CELF4: variants seen among roughly 807,000 people sequenced by gnomAD.
CELF4 encodes the protein CUG-BP- and ETR-3-like factor 4.
CELF4 carries 18 observed loss-of-function variants against 59.9 expected under a neutral mutation model. The ratio of observed to expected loss-of-function variants is 0.30; its 90% CI spans 0.21 to 0.45. CELF4 has a LOEUF of 0.45. Ranked by LOEUF, CELF4 falls within the 20% of genes least tolerant of loss-of-function variation. CELF4 has a pLI of 1.00. For synonymous variants in CELF4, 261 were observed against 267.1 expected (o/e 0.98, Z 0.22); for missense variants, 456 against 689.0 (o/e 0.66, Z 3.79).
At chr18:37,464,363 G>A (rs1423360786) in intron 2 of CELF4, among the ~76,000 whole-genome samples, 1 of 152,130 alleles carries the variant, frequency 6.6e-6, no homozygotes, top group African/African-American at 2.4e-5. Context: ...CCTTTCTGAT[G>A]CCTCCAGCTC....
chr18:37,348,388 C>T (rs966043353), intron 2 of CELF4, among the ~76,000 whole-genome samples: 3 of 152,102 alleles, frequency 2.0e-5, no homozygotes, highest in Non-Finnish European at 4.4e-5. Flanking sequence ...CCACTGAAGC[C>T]TTCCTCCCTC....
chr18:37,558,266 G>C (rs1205126621), intron 1 of CELF4, among the ~76,000 whole-genome samples: 1 of 151,926 alleles, frequency 6.6e-6, no homozygotes, highest in Non-Finnish European at 1.5e-5. Flanking sequence ...CTGTGGCTTG[G>C]GCTTTATACC....
chr18:37,289,043 A>G (rs1019271172), intron 3 of CELF4, among the ~76,000 whole-genome samples: 1 of 152,200 alleles, frequency 6.6e-6, no homozygotes, highest in Non-Finnish European at 1.5e-5. Flanking sequence ...AGTATTCAAC[A>G]AACTATGCAC....
At chr18:37,535,817 G>A (rs1414325969) in intron 1 of CELF4, among the ~76,000 whole-genome samples, 7 of 152,102 alleles carry the variant, frequency 4.6e-5, no homozygotes, top group African/African-American at 1.7e-4. Flanking sequence ...CACTGGCCAC[G>A]CAGCGAGAGA....
rs1601660489 is a variant in CELF4, at chr18:37,272,937, G to A, written c.949+79C>T. 2.1e-6 allele frequency: 3 copies of A among 1,402,758 alleles called. No individual in the cohort carries two copies. In the East Asian group the frequency reaches 6.9e-5, roughly 32 times the overall value. 86.9% of individuals were successfully genotyped at this position (1,402,758 alleles called of 1,614,324 possible). On this transcript the variant is annotated intron_variant, in intron 7 of 12. Coordinates refer to ENST00000420428, the MANE Select transcript of CELF4 (RefSeq NM_020180.4). Reference sequence around the variant, plus strand: ...GCTTTTGCCACAGAATGGTCCGCTGGTAGCTGAAATTAGGTCCCAGCCTGG... The same window carrying A: ...GCTTTTGCCACAGAATGGTCCGCTGATAGCTGAAATTAGGTCCCAGCCTGG...
intron 2 of CELF4, among the ~76,000 whole-genome samples, chr18:37,432,261 G>A (rs780076079): frequency 2.0e-5 from 3 of 152,208 alleles, no homozygotes; most frequent in South Asian, 2.1e-4. Context: ...AGGGCCACCC[G>A]CCAATGTGGG....
intron 2 of CELF4, among the ~76,000 whole-genome samples, chr18:37,389,885 C>G (rs2099139619): frequency 6.6e-6 from 1 of 152,246 alleles, no homozygotes; most frequent in African/African-American, 2.4e-5. Flanking sequence ...TCATGCACGA[C>G]TGTCTCACTC....
At chr18:37,448,717 G>A (rs1218839237) in intron 2 of CELF4, among the ~76,000 whole-genome samples, 2 of 152,256 alleles carry the variant, frequency 1.3e-5, no homozygotes, top group African/African-American at 4.8e-5. Flanking sequence ...GGGTCTGGCA[G>A]CCTCGAGTGC....
intron 2 of CELF4, among the ~76,000 whole-genome samples, chr18:37,376,408 C>G (rs2098969806): frequency 6.6e-6 from 1 of 152,230 alleles, no homozygotes; most frequent in Non-Finnish European, 1.5e-5. Context: ...TGCAGCCCAG[C>G]CAGGCCACTT....
chr18:37,393,146 G>A (rs142977165), intron 2 of CELF4, among the ~76,000 whole-genome samples: 1 of 152,072 alleles, frequency 6.6e-6, no homozygotes, highest in African/African-American at 2.4e-5. Flanking sequence ...GGATTGCAGG[G>A]ACAGGGTACA....
chr18:37,343,329 C>CTGTGTGTGTGTGTG (rs5824051), intron 2 of CELF4, among the ~76,000 whole-genome samples: 19 of 127,048 alleles, frequency 1.5e-4, no homozygotes, highest in African/African-American at 3.6e-4. Flanking sequence ...GGTGTTGATT[C>CTGTGTGTGTGTGTG]TGTGTGTGTG....
At chr18:37,459,182 G>A (rs1230113066) in intron 2 of CELF4, among the ~76,000 whole-genome samples, 1 of 152,164 alleles carries the variant, frequency 6.6e-6, no homozygotes, top group Non-Finnish European at 1.5e-5. Context: ...ATACCACAGG[G>A]TTTTAAAGTG....
At chr18:37,349,231 C>T (rs960850398) in intron 2 of CELF4, among the ~76,000 whole-genome samples, 1 of 152,198 alleles carries the variant, frequency 6.6e-6, no homozygotes, top group Non-Finnish European at 1.5e-5. Flanking sequence ...GCCCTGCCCT[C>T]CCAACCTGAA....
chr18:37,490,183 A>G (rs892468081), intron 1 of CELF4, among the ~76,000 whole-genome samples: 2 of 152,170 alleles, frequency 1.3e-5, no homozygotes, highest in Non-Finnish European at 2.9e-5. Flanking sequence ...TGGAGACACA[A>G]TCAACTCGCC....
chr18:37,296,510 G>A (rs947827032), intron 3 of CELF4, among the ~76,000 whole-genome samples: 23 of 152,286 alleles, frequency 1.5e-4, no homozygotes, highest in Admixed American at 1.2e-3. Flanking sequence ...TGTTTTTAAT[G>A]TGTTGGGTGA....
At chr18:37,439,210 G>T (rs1378642854) in intron 2 of CELF4, among the ~76,000 whole-genome samples, 2 of 152,200 alleles carry the variant, frequency 1.3e-5, no homozygotes, top group Non-Finnish European at 2.9e-5. Flanking sequence ...TGGAGTGAGG[G>T]TAGCTCTGCT....
chr18:37,486,830 C>T (rs927728061), intron 1 of CELF4, among the ~76,000 whole-genome samples: 3 of 152,216 alleles, frequency 2.0e-5, no homozygotes, highest in African/African-American at 7.2e-5. Context: ...CCTCTGCTCT[C>T]ACCACCTCCT....
intron 11 of CELF4, among the ~76,000 whole-genome samples, chr18:37,256,570 T>C (rs1300852000): frequency 1.3e-5 from 2 of 152,034 alleles, no homozygotes; most frequent in Non-Finnish European, 2.9e-5. Context: ...ATCACTTTAT[T>C]TTATTTTTAT....
chr18:37,527,259 T>C (rs1389819948), intron 1 of CELF4, among the ~76,000 whole-genome samples: 2 of 151,528 alleles, frequency 1.3e-5, no homozygotes, highest in Non-Finnish European at 2.9e-5. Flanking sequence ...AGAACTGACC[T>C]GAGAAGTGCT....
Sources: gnomAD v4.1 joint callset for allele counts (sites outside exome capture counted in the v4.1 genomes callset) on GRCh38, gnomAD v4.1.1 for gene constraint, MANE v1.5 for transcripts, NCBI Gene and HGNC (gene_info 2026-07-23, HGNC 2026-07-21) for gene names.